The following DMC1 variants were observed in gnomAD, a reference collection of about 807,000 sequenced individuals.
DMC1 encodes meiotic recombination protein DMC1 homolog.
A neutral mutation model predicts 50.1 loss-of-function variants in DMC1; 27 were observed. The observed-to-expected ratio is 0.54, with a 90% CI of 0.40 to 0.74. DMC1 has a LOEUF of 0.74. Ranked by LOEUF, DMC1 falls within the 30% of genes least tolerant of loss-of-function variation. DMC1 has a pLI of 0.00. For synonymous variants in DMC1, 148 were observed against 136.1 expected (o/e 1.09, Z -0.61); for missense variants, 295 against 420.2 (o/e 0.70, Z 2.60).
intron 7 of DMC1, 48 bp downstream of exon 7, chr22:38,552,618 T>A: frequency 7.9e-7 from 1 of 1,268,920 alleles, no homozygotes; most frequent in East Asian, 2.3e-5. Flanking sequence ...AGATGTTTGA[T>A]AAGTAATAGC....
intron 2 of DMC1, 135 bp downstream of exon 2, chr22:38,568,071 G>A: frequency 1.3e-6 from 1 of 795,660 alleles, no homozygotes; most frequent in Non-Finnish European, 2.1e-6. Context: ...TGCCAAACAA[G>A]TTGTTACATA....
rs1217991128 is a variant in DMC1 at position 38,519,850 on chromosome 22, T to C, written c.*170A>G. The C allele has an allele frequency of 6.6e-6, 4 of 606,626 alleles. No homozygotes were observed. Among genetic ancestry groups the C allele is most frequent in the Non-Finnish European group, 1.2e-5 (4 of 331,272 alleles). The allele number at this position is 606,626 out of a possible 1,614,324, so 37.6% of individuals were successfully genotyped here. A position where few individuals can be genotyped will look rare whatever the true frequency, so the allele number is the denominator to read the frequency against. On this transcript the variant is annotated 3_prime_UTR_variant, in exon 14 of 14. Coordinates refer to ENST00000216024, the MANE Select transcript of DMC1 (RefSeq NM_007068.4). ...TGAATTTACATACAATGTATAGTTA[T>C]CATAAATCAGGGACTTTTAAGATAA...
chr22:38,538,661 A>C lies in DMC1; in HGVS notation c.587-49T>G, dbSNP rs2090245903. ...ATGTTATAAAAGTTGAAAGAAGCAG[A>C]GGCTAAGATCATTCATATTCTTGGG... On this transcript the variant is annotated intron_variant, in intron 9 of 13. Coordinates refer to ENST00000216024, the MANE Select transcript of DMC1 (RefSeq NM_007068.4). 5 of 1,485,574 alleles carry C rather than the reference A, an allele frequency of 3.4e-6. No individual in the cohort carries two copies. The African/African-American group carries it at 5.5e-5, about 16-fold the overall frequency. The allele number at this position is 1,485,574 out of a possible 1,614,324, so 92.0% of individuals were successfully genotyped here.
downstream of DMC1, among the ~76,000 whole-genome samples, chr22:38,515,202 G>A (rs1239764799): frequency 2.6e-5 from 4 of 151,054 alleles, no homozygotes; most frequent in Non-Finnish European, 4.4e-5. Flanking sequence ...CCGGGGCCAG[G>A]TGCAGTGGCT....
intron 8 of DMC1, among the ~76,000 whole-genome samples, chr22:38,540,842 G>A (rs1488975827): frequency 6.6e-6 from 1 of 152,154 alleles, no homozygotes; most frequent in African/African-American, 2.4e-5. Flanking sequence ...CAGATACTAT[G>A]TTGTGGCAGG....
At chr22:38,510,093 T>C in the DMC1 span, among the ~76,000 whole-genome samples, 1 of 151,992 alleles carries the variant, frequency 6.6e-6, no homozygotes, top group African/African-American at 2.4e-5. Context: ...CGCATGCCTG[T>C]AGCTACTCAG....
chr22:38,540,556 T>C (rs1296235543), intron 8 of DMC1, among the ~76,000 whole-genome samples: 1 of 152,228 alleles, frequency 6.6e-6, no homozygotes, highest in Non-Finnish European at 1.5e-5. Flanking sequence ...TATTTCACTT[T>C]GTTTATAGTG....
intron 5 of DMC1, among the ~76,000 whole-genome samples, chr22:38,561,022 G>T (rs914322173): frequency 5.3e-5 from 8 of 151,416 alleles, no homozygotes; most frequent in Non-Finnish European, 7.4e-5. Context: ...TTCAGACAAG[G>T]TTTCTCTCTG....
intron 1 of DMC1, 200 bp from the exon 2 acceptor site, chr22:38,568,489 C>T (rs2090604873): frequency 1.8e-6 from 1 of 567,760 alleles, no homozygotes; most frequent in African/African-American, 1.9e-5. Context: ...GTGTGTGTGT[C>T]CCCACATGCA....
In DMC1 at chr22:38,519,648, G is replaced by C. The variant is rs1742728823; in HGVS notation, c.*372C>G. 7.3e-6 allele frequency: 2 copies of C among 273,858 alleles called. No individual in the cohort carries two copies. Among genetic ancestry groups the C allele is most frequent in the African/African-American group, 4.4e-5 (2 of 45,084 alleles). The allele number at this position is 273,858 out of a possible 1,614,324, so 17.0% of individuals were successfully genotyped here. ...GAACTCTTAGACTTTCTGTTTAGTG[G>C]CTCACTTTGAAAAGTGAAAGGGAGG... On this transcript the variant is annotated 3_prime_UTR_variant, in exon 14 of 14. Coordinates refer to ENST00000216024, the MANE Select transcript of DMC1 (RefSeq NM_007068.4).
intron 8 of DMC1, among the ~76,000 whole-genome samples, 195 bp from the exon 9 acceptor site, chr22:38,539,607 G>C (rs2090258309): frequency 6.6e-6 from 1 of 152,136 alleles, no homozygotes; most frequent in South Asian, 2.1e-4. Flanking sequence ...ACTTACCATA[G>C]GTAGTGATAA....
chr22:38,560,823 CT>C, intron 5 of DMC1, among the ~76,000 whole-genome samples: 1 of 152,140 alleles, frequency 6.6e-6, no homozygotes, highest in Middle Eastern at 3.4e-3. Flanking sequence ...CAGGGTAAAT[CT>C]TTTTTCATAT....
intron 8 of DMC1, among the ~76,000 whole-genome samples, chr22:38,544,342 C>T (rs1178953976): frequency 6.6e-6 from 1 of 152,190 alleles, no homozygotes; most frequent in African/African-American, 2.4e-5. Context: ...ATCTGATTGC[C>T]TCCTTTGGAA....
chr22:38,530,074 T>C (rs935746940), intron 12 of DMC1, among the ~76,000 whole-genome samples: 2 of 152,040 alleles, frequency 1.3e-5, no homozygotes, highest in Admixed American at 1.3e-4. Flanking sequence ...CAAGCAATTC[T>C]CCCTGCCTCA....
At chr22:38,569,485 C>G (rs541013911) in intron 1 of DMC1, 1 of 152,168 alleles carries the variant, frequency 6.6e-6, no homozygotes, top group Non-Finnish European at 1.5e-5. Context: ...CAACCGAGAC[C>G]GTTCGGATGG....
At position 38,521,650 on chromosome 22, in the gene DMC1, C is replaced by T. The variant is rs773944378; in HGVS notation, c.911G>A (p.Arg304Gln). 9.3e-6 allele frequency: 15 copies of T among 1,613,846 alleles called. No individual in the cohort carries two copies. The highest frequency in any genetic ancestry group is 5.5e-5 in the South Asian group (5 of 91,064). ...AATTCTGAGCTCTCCTCTTCCCTTT[C>T]GCAAGCTTATTCTTGTTGTTGAAGC... Reference protein sequence around the residue: ...AHASTTRISLRKGRGELRIAK... With the variant: ...AHASTTRISLQKGRGELRIAK... The change falls in exon 13 of 14, where the codon CGA becomes CAA. Residue 304 changes from arginine to glutamine, a missense_variant. Transcript: ENST00000216024.
intron 12 of DMC1, among the ~76,000 whole-genome samples, chr22:38,531,568 C>A (rs2090151974): frequency 6.6e-6 from 1 of 152,024 alleles, no homozygotes. Context: ...TATTTAAAAT[C>A]CTTTAGTTTA....
intron 8 of DMC1, among the ~76,000 whole-genome samples, chr22:38,548,751 G>C (rs575532672): frequency 1.9e-4 from 29 of 152,016 alleles, no homozygotes; most frequent in Non-Finnish European, 3.7e-4. Context: ...GTGTACATTT[G>C]TAAACTTAGC....
chr22:38,559,822 A>C (rs1240085912), intron 5 of DMC1, among the ~76,000 whole-genome samples: 1 of 152,026 alleles, frequency 6.6e-6, no homozygotes. Context: ...GTTCAAGACC[A>C]GCCTGGCCAA....
Sources: gnomAD v4.1 joint callset for allele counts (sites outside exome capture counted in the v4.1 genomes callset) on GRCh38, gnomAD v4.1.1 for gene constraint, MANE v1.5 for transcripts, NCBI Gene and HGNC (gene_info 2026-07-23, HGNC 2026-07-21) for gene names.